Variants in BTBD10 observed in about 807,000 individuals in gnomAD.
The protein encoded by BTBD10 is BTB domain containing 10.
BTBD10 carries 21 observed loss-of-function variants against 53.2 expected under a neutral mutation model. The observed-to-expected ratio is 0.39, with a 90% CI of 0.28 to 0.57. The LOEUF is 0.57. BTBD10 is among the 20% of genes least tolerant of loss of function. The pLI is 0.53. For missense variants in BTBD10, 360 were observed against 594.7 expected, an observed-to-expected ratio of 0.61 and a Z score of 4.10; for synonymous variants, 149 against 192.7, an observed-to-expected ratio of 0.77 and a Z score of 1.88.
At chr11:13,389,340 A>G (rs1038651509) in intron 8 of BTBD10, among the ~76,000 whole-genome samples, 199 bp from the exon 9 acceptor site, 1 of 152,160 alleles carries the variant, frequency 6.6e-6, no homozygotes, top group Non-Finnish European at 1.5e-5. Context: ...AAAATCTTCT[A>G]TCATTCTTTC....
At chr11:13,431,025 G>A (rs559562899) in intron 2 of BTBD10, among the ~76,000 whole-genome samples, 1 of 142,460 alleles carries the variant, frequency 7.0e-6, no homozygotes, top group African/African-American at 2.5e-5. Context: ...ATAGCAAATT[G>A]TACACCAGAA....
intron 8 of BTBD10, among the ~76,000 whole-genome samples, chr11:13,400,485 T>C (rs551801598): frequency 1.3e-5 from 2 of 152,364 alleles, no homozygotes; most frequent in African/African-American, 4.8e-5. Flanking sequence ...CCCTGACCCC[T>C]TGTGCTTCCC....
At chr11:13,424,022 AATC>A (rs1950291211) in intron 2 of BTBD10, among the ~76,000 whole-genome samples, 2 of 152,194 alleles carry the variant, frequency 1.3e-5, no homozygotes, top group Non-Finnish European at 2.9e-5. Flanking sequence ...GTTTTTAAAA[AATC>A]ATTAGAGTAG....
intron 8 of BTBD10, among the ~76,000 whole-genome samples, chr11:13,396,302 T>C (rs1391507337): frequency 6.6e-6 from 1 of 152,238 alleles, no homozygotes; most frequent in African/African-American, 2.4e-5. Flanking sequence ...TTTGAAGCAA[T>C]TGTGAATGGG....
At chr11:13,392,953 G>A (rs529928894) in intron 8 of BTBD10, among the ~76,000 whole-genome samples, 16 of 152,326 alleles carry the variant, frequency 1.1e-4, no homozygotes, top group Admixed American at 2.6e-4. Flanking sequence ...TGGTCTGCTC[G>A]ATGGGGTAGC....
rs142523438 is a variant in BTBD10 at position 13,445,056 on chromosome 11, A to C, written c.69T>G (p.His23Gln). ...GTTTATAAAGTTTACGAGGTCTACTATGCAATTTCCGATCCCAATTCTCTG... is the reference window on the plus strand; with the variant it reads ...GTTTATAAAGTTTACGAGGTCTACTCTGCAATTTCCGATCCCAATTCTCTG... ...SDPENWDRKL[H>Q]SRPRKLYKHS... is the part of the protein sequence containing the mutation. Residue 23 changes from histidine (H) to glutamine (Q), a missense_variant, in exon 2 of 9, where the codon CAT (histidine) becomes CAG (glutamine). Transcript: ENST00000278174. The C allele has an allele frequency of 1.2e-6, 2 of 1,613,088 alleles. No homozygotes were observed. Among genetic ancestry groups the C allele is most frequent in the South Asian group, 2.2e-5 (2 of 91,062 alleles).
At chr11:13,424,698 T>A (rs1172743231) in intron 2 of BTBD10, among the ~76,000 whole-genome samples, 2 of 151,954 alleles carry the variant, frequency 1.3e-5, no homozygotes, top group Admixed American at 1.3e-4. Context: ...CCAGCCAAGA[T>A]AGAATAACAA....
chr11:13,417,443 G>A lies in BTBD10; in HGVS notation c.585-183C>T, dbSNP rs1316301646. Among the ~76,000 whole-genome samples the A allele has an allele frequency of 2.6e-5, 4 of 152,002 alleles. 1 individual carries two copies. Among genetic ancestry groups the A allele is most frequent in the Admixed American group, 2.6e-4 (4 of 15,256 alleles). ...TATTAAAAACATTTTCTTTTTGATG[G>A]TAGGGAACACTAGTATAGATTTCCT... On this transcript the variant is annotated intron_variant, in intron 4 of 8. Transcript: ENST00000278174.
chr11:13,425,038 A>G (rs567154125), intron 2 of BTBD10, among the ~76,000 whole-genome samples: 1 of 152,276 alleles, frequency 6.6e-6, no homozygotes, highest in South Asian at 2.1e-4. Context: ...AGAAATTTGC[A>G]GAGTCCTCCT....
At chr11:13,389,182 C>CA in intron 8 of BTBD10, 41 bp from the exon 9 acceptor site, 2 of 1,541,274 alleles carry the variant, frequency 1.3e-6, no homozygotes, top group Non-Finnish European at 1.8e-6. Flanking sequence ...GAGACACACA[C>CA]AGACCTCTCA....
chr11:13,401,248 C>T (rs1949711243), intron 8 of BTBD10, among the ~76,000 whole-genome samples: 1 of 151,768 alleles, frequency 6.6e-6, no homozygotes, highest in Admixed American at 6.6e-5. Flanking sequence ...TATGAAAATT[C>T]ATTTAAGAGT....
At chr11:13,459,465 G>A (rs1951045426) in intron 1 of BTBD10, among the ~76,000 whole-genome samples, 1 of 152,080 alleles carries the variant, frequency 6.6e-6, no homozygotes, top group African/African-American at 2.4e-5. Flanking sequence ...GAACCCTGAT[G>A]AAGAATCTAT....
chr11:13,438,429 C>G (rs60992090), intron 2 of BTBD10, among the ~76,000 whole-genome samples: 1 of 151,994 alleles, frequency 6.6e-6, no homozygotes, highest in Non-Finnish European at 1.5e-5. Flanking sequence ...TGAAATCATG[C>G]TGATCTTTTC....
At chr11:13,405,635 G>A (rs1949807183) in intron 7 of BTBD10, 24 bp downstream of exon 7, 5 of 1,611,190 alleles carry the variant, frequency 3.1e-6, no homozygotes, top group Non-Finnish European at 4.2e-6. Context: ...ATTCAGGGGA[G>A]AGAAAACATG....
chr11:13,425,906 C>A (rs868293332), intron 2 of BTBD10, among the ~76,000 whole-genome samples: 2 of 151,462 alleles, frequency 1.3e-5, no homozygotes, highest in African/African-American at 4.9e-5. Context: ...AAAAGCACAC[C>A]GAATGGAATT....
intron 1 of BTBD10, among the ~76,000 whole-genome samples, chr11:13,456,880 G>A (rs1950979556): frequency 6.6e-6 from 1 of 152,182 alleles, no homozygotes. Flanking sequence ...ACAAATGAGG[G>A]TCTGGCGCAG....
intron 5 of BTBD10, 120 bp downstream of exon 5, chr11:13,417,038 A>G (rs1201867306): frequency 4.5e-6 from 3 of 660,622 alleles, no homozygotes; most frequent in Non-Finnish European, 7.4e-6. Context: ...AATGGTATTT[A>G]AGGAAAAACA....
intron 8 of BTBD10, among the ~76,000 whole-genome samples, chr11:13,390,096 A>C (rs1335292595): frequency 6.8e-6 from 1 of 147,086 alleles, no homozygotes; most frequent in Non-Finnish European, 1.5e-5. Context: ...TTGAAAAAAA[A>C]AATTAGTTAT....
At chr11:13,448,971 A>C (rs1220452224) in intron 1 of BTBD10, among the ~76,000 whole-genome samples, 9 of 152,202 alleles carry the variant, frequency 5.9e-5, no homozygotes, top group Admixed American at 5.9e-4. Flanking sequence ...ATTTAAATTC[A>C]AAATAATCTA....
Sources: allele counts gnomAD v4.1 joint callset (sites outside exome capture counted in the v4.1 genomes callset), GRCh38; gene constraint gnomAD v4.1.1; transcripts MANE v1.5; gene names NCBI Gene and HGNC (gene_info 2026-07-23, HGNC 2026-07-21).